The following AGMO variants were observed in gnomAD, a reference collection of about 807,000 sequenced individuals.
AGMO encodes the protein alkylglycerol monooxygenase.
A neutral mutation model predicts 60.2 loss-of-function variants in AGMO; 75 were observed. The observed-to-expected ratio is 1.25, with a 90% CI of 1.03 to 1.51. The LOEUF (loss-of-function observed/expected upper bound fraction) is 1.51, where lower values mean the gene tolerates loss of function less well. AGMO is among the 40% of genes most tolerant of loss of function. The pLI is 0.00. For synonymous variants in AGMO, 261 were observed against 177.1 expected (o/e 1.47, Z -3.76); for missense variants, 763 against 525.5 (o/e 1.45, Z -4.42).
Position 15,418,633 on chromosome 7 carries a change from G to A in AGMO, c.534C>T (p.Ala178=). 1.3e-6 allele frequency: 2 copies of A among 1,562,532 alleles called. No individual in the cohort carries two copies. The highest frequency in any genetic ancestry group is 2.3e-5 in the East Asian group (1 of 42,554). The stretch of plus-strand genomic sequence containing the variant: ...CATATACTGAAGGGGGTATGAAGAG[G>A]GCCAGGGGAGAGTAGAAAATCTGAA... ...YTSWIFYSPL[A]LFIPPSVYAV... The change falls in exon 5 of 13, where the codon GCC becomes GCT. Residue 178 remains alanine (A), a synonymous_variant. Transcript: ENST00000342526.
chr7:15,556,505 A>G (rs1479751675), intron 2 of AGMO, among the ~76,000 whole-genome samples: 3 of 152,046 alleles, frequency 2.0e-5, no homozygotes, highest in South Asian at 2.1e-4. Flanking sequence ...CATACTGTAG[A>G]TATTTATATC....
the AGMO span, among the ~76,000 whole-genome samples, chr7:15,142,376 G>A: frequency 6.6e-6 from 1 of 152,088 alleles, no homozygotes. Flanking sequence ...AACAGTCATA[G>A]CTATAAACAT....
intron 3 of AGMO, among the ~76,000 whole-genome samples, chr7:15,517,221 A>C (rs553511227): frequency 3.3e-5 from 5 of 152,048 alleles, no homozygotes; most frequent in Non-Finnish European, 7.4e-5. Flanking sequence ...ATTAATCATA[A>C]TGCAAGACTT....
intron 12 of AGMO, among the ~76,000 whole-genome samples, chr7:15,264,283 C>T (rs544976179): frequency 5.3e-5 from 8 of 151,824 alleles, no homozygotes; most frequent in East Asian, 1.9e-4. Context: ...ATCATAACTA[C>T]GTCAAAAATG....
At chr7:15,180,585 C>A in the AGMO span, among the ~76,000 whole-genome samples, 1 of 151,788 alleles carries the variant, frequency 6.6e-6, no homozygotes, top group Non-Finnish European at 1.5e-5. Flanking sequence ...TTTAGACTTT[C>A]CCTACTCTGC....
chr7:15,405,443 T>C (rs1784660500), intron 5 of AGMO, among the ~76,000 whole-genome samples: 1 of 151,884 alleles, frequency 6.6e-6, no homozygotes, highest in South Asian at 2.1e-4. Context: ...TGCAAATTCC[T>C]ACCTTCACTC....
intron 3 of AGMO, among the ~76,000 whole-genome samples, chr7:15,467,652 C>A (rs1024924366): frequency 6.6e-6 from 1 of 152,134 alleles, no homozygotes; most frequent in Admixed American, 6.5e-5. Flanking sequence ...AATAGAAAAT[C>A]CAGAATTTTA....
At chr7:15,137,101 T>A in the AGMO span, among the ~76,000 whole-genome samples, 1 of 152,204 alleles carries the variant, frequency 6.6e-6, no homozygotes, top group East Asian at 1.9e-4. Context: ...ATTTTCTGGT[T>A]ATAGAAGCCT....
At chr7:15,495,513 G>C (rs1394798378) in intron 3 of AGMO, among the ~76,000 whole-genome samples, 1 of 152,136 alleles carries the variant, frequency 6.6e-6, no homozygotes, top group Non-Finnish European at 1.5e-5. Context: ...GATTTTGTAA[G>C]CTTTACAAAG....
intron 12 of AGMO, among the ~76,000 whole-genome samples, chr7:15,351,516 C>T (rs1782242406): frequency 6.6e-6 from 1 of 151,944 alleles, no homozygotes; most frequent in Non-Finnish European, 1.5e-5. Context: ...TTTTAGCCAG[C>T]AGAAGAAAAA....
chr7:15,542,541 C>T lies in AGMO; in HGVS notation c.409+2231G>A, dbSNP rs1171550098. On this transcript the variant is annotated intron_variant, in intron 3 of 12. Transcript: ENST00000342526. ...CAGGAGTAAACAAATTTGCAGATTT[C>T]CCAAATAAACACATCCGTGTTGGGT... Among the ~76,000 whole-genome samples the T allele has an allele frequency of 2.6e-5, 4 of 152,052 alleles. No individual in the cohort carries two copies. In the East Asian group the frequency reaches 5.8e-4, roughly 22 times the overall value.
intron 12 of AGMO, among the ~76,000 whole-genome samples, chr7:15,268,655 A>G (rs1783505750): frequency 1.3e-5 from 2 of 151,966 alleles, no homozygotes; most frequent in South Asian, 4.1e-4. Flanking sequence ...TTGAAGTGGT[A>G]AAGAGCTGGA....
rs146144087 is a variant in AGMO, at chr7:15,499,932, C to CACACACACACACACATAT, written c.409+44839_409+44840insATATGTGTGTGTGTGTGT. Among the ~76,000 whole-genome samples the CACACACACACACACATAT allele has an allele frequency of 2.9e-5, 4 of 139,002 alleles. No individual in the cohort carries two copies. In the East Asian group the frequency reaches 8.7e-4, roughly 30 times the overall value. 91.2% of individuals were successfully genotyped at this position (139,002 alleles called of 152,430 possible). A position where few individuals can be genotyped will look rare whatever the true frequency, so the allele number is the denominator to read the frequency against. On this transcript the variant is annotated intron_variant, in intron 3 of 12. Coordinates refer to ENST00000342526, the MANE Select transcript of AGMO (RefSeq NM_001004320.2). ...GCACACACACACACACACACACACA[C>CACACACACACACACATAT]ATATATATATATAATATATATATTT...
chr7:15,141,451 C>T, the AGMO span, among the ~76,000 whole-genome samples: 3 of 151,916 alleles, frequency 2.0e-5, no homozygotes, highest in South Asian at 2.1e-4. Context: ...AGTGTGGTGG[C>T]GGGCGCCTGT....
intron 12 of AGMO, among the ~76,000 whole-genome samples, chr7:15,349,748 T>A (rs1373970344): frequency 3.0e-4 from 45 of 152,200 alleles, no homozygotes; most frequent in Non-Finnish European, 5.9e-5. Flanking sequence ...GCAGAAGGCA[T>A]CTCTTCACAG....
At chr7:15,263,519 T>G (rs921999548) in intron 12 of AGMO, among the ~76,000 whole-genome samples, 2 of 152,042 alleles carry the variant, frequency 1.3e-5, no homozygotes, top group Non-Finnish European at 2.9e-5. Flanking sequence ...GGAGACACCT[T>G]AAAGAACTAA....
chr7:15,335,717 T>C (rs1362593670), intron 12 of AGMO, among the ~76,000 whole-genome samples: 3 of 152,206 alleles, frequency 2.0e-5, no homozygotes, highest in African/African-American at 2.4e-5. Context: ...TATTATAGCA[T>C]GTGTAGATAA....
chr7:15,385,511 T>C lies in AGMO; in HGVS notation c.1009A>G (p.Ile337Val), dbSNP rs146651080. 2 of 1,613,474 alleles carry C rather than the reference T, an allele frequency of 1.2e-6. No homozygotes were observed. The highest frequency in any genetic ancestry group is 2.2e-5 in the East Asian group (1 of 44,814). Reference sequence around the variant, plus strand: ...AGAGCAAACTGTACAACTGTATATATCTTTAATAGCTGAGATGAAGATGAT... The same window carrying C: ...AGAGCAAACTGTACAACTGTATATACCTTTAATAGCTGAGATGAAGATGAT... The part of the protein sequence containing the change: ...FSSSSSQLLK[I>V]YTVVQFALML... Residue 337 changes from isoleucine (I) to valine (V), a missense_variant, in exon 10 of 13, where the codon ATA (isoleucine) becomes GTA (valine). By Grantham distance (29) the Ile-to-Val change is conservative. Transcript: ENST00000342526.
chr7:15,149,138 T>G, the AGMO span, among the ~76,000 whole-genome samples: 1 of 152,204 alleles, frequency 6.6e-6, no homozygotes, highest in Non-Finnish European at 1.5e-5. Context: ...TGTCTATTCA[T>G]GTCCTTTGCA....
Sources: gnomAD v4.1 joint callset for allele counts (sites outside exome capture counted in the v4.1 genomes callset) on GRCh38, gnomAD v4.1.1 for gene constraint, MANE v1.5 for transcripts, NCBI Gene and HGNC (gene_info 2026-07-23, HGNC 2026-07-21) for gene names.